Variants in ABCB5 observed in about 807,000 individuals in gnomAD.
The protein encoded by ABCB5 is ATP-binding cassette sub-family B member 5.
In ABCB5, 155 loss-of-function variants were observed where a neutral mutation model predicts 144.2. The observed-to-expected ratio is 1.08, with a 90% confidence interval of 0.94 to 1.23. ABCB5 has a LOEUF of 1.23. Among genes scored for constraint, ABCB5 ranks in the 50% most tolerant of loss-of-function variants. The pLI, the probability that ABCB5 is intolerant of heterozygous loss-of-function variation, is 0.00. For missense variants in ABCB5, 1,830 were observed against 1,520.8 expected (o/e 1.20, Z -3.38); for synonymous variants, 610 against 528.6 (o/e 1.15, Z -2.11).
chr7:20,687,955 G>A (rs1583426421), intron 16 of ABCB5, among the ~76,000 whole-genome samples: 1 of 152,242 alleles, frequency 6.6e-6, no homozygotes, highest in Admixed American at 6.5e-5. Context: ...ACTTTGGGAG[G>A]CTGAGGTGGG....
intron 1 of ABCB5, among the ~76,000 whole-genome samples, chr7:20,622,186 T>C (rs574744636): frequency 2.0e-5 from 3 of 152,252 alleles, no homozygotes; most frequent in African/African-American, 7.2e-5. Flanking sequence ...CTTAATTGTT[T>C]TGATTTCTTT....
chr7:20,681,516 T>C lies in ABCB5; in HGVS notation c.1719T>C (p.Gly573=). The change falls in exon 15 of 28, where the codon GGT becomes GGC. Residue 573 remains glycine (G), a synonymous_variant. Transcript: ENST00000404938. ...VQAALEKASK[G]RTTIVVAHRL... is the part of the protein sequence containing the mutation. ...ATTTTATTCTGTAGGCGAGCAAAGGTCGGACTACAATCGTGGTAGCACACC... is the reference window on the plus strand; with the variant it reads ...ATTTTATTCTGTAGGCGAGCAAAGGCCGGACTACAATCGTGGTAGCACACC... 6.2e-7 allele frequency: 1 copy of C among 1,614,158 alleles called. No individual in the cohort carries two copies. Among genetic ancestry groups the C allele is most frequent in the Non-Finnish European group, 8.5e-7 (1 of 1,180,000 alleles).
At chr7:20,745,870 C>T (rs921678446) in intron 26 of ABCB5, among the ~76,000 whole-genome samples, 5 of 152,194 alleles carry the variant, frequency 3.3e-5, no homozygotes, top group African/African-American at 9.7e-5. Context: ...CTCCCCTGTG[C>T]GCTTAGAATA....
rs1394748092 is a variant in ABCB5, at chr7:20,623,121, TTGGAG to T, written c.-21-140_-21-136del. ...TGAACTGCCTAGCCAGAAACTTCAA[TTGGAG>T]TGGGGGGCTGGGCAGGGCGAAATTC... On this transcript the variant is annotated intron_variant, in intron 1 of 27. Transcript: ENST00000404938. 10 of 568,412 alleles carry T rather than the reference TTGGAG, an allele frequency of 1.8e-5. No individual in the cohort carries two copies. The African/African-American group carries it at 1.9e-4, about 11-fold the overall frequency. 35.2% of individuals were successfully genotyped at this position (568,412 alleles called of 1,614,324 possible).
intron 20 of ABCB5, among the ~76,000 whole-genome samples, chr7:20,717,880 A>ATTTTTTTTTTTTTTTT (rs1781730711): frequency 1.4e-5 from 1 of 73,522 alleles, no homozygotes; most frequent in African/African-American, 5.6e-5. Flanking sequence ...TTCTTGTAAC[A>ATTTTTTTTTTTTTTTT]TTCTTTTTTT....
At chr7:20,688,728 A>C (rs527841406) in intron 16 of ABCB5, among the ~76,000 whole-genome samples, 1 of 152,238 alleles carries the variant, frequency 6.6e-6, no homozygotes, top group Non-Finnish European at 1.5e-5. Context: ...CCAAATGCCC[A>C]TCAATGATAG....
intron 7 of ABCB5, among the ~76,000 whole-genome samples, chr7:20,645,008 A>G (rs1784371356): frequency 6.6e-6 from 1 of 152,228 alleles, no homozygotes; most frequent in African/African-American, 2.4e-5. Context: ...AGAGAAGTAA[A>G]TGAGGAGTTG....
chr7:20,617,678 A>T (rs1177995195), intron 1 of ABCB5, among the ~76,000 whole-genome samples: 1 of 152,224 alleles, frequency 6.6e-6, no homozygotes, highest in African/African-American at 2.4e-5. Flanking sequence ...CATTTTTATA[A>T]TGGATTAAAA....
chr7:20,745,449 T>G lies in ABCB5; in HGVS notation c.3429+11T>G, dbSNP rs980189674. ...GAAGGTCTCCCTGAGGTAAGAAAAT[T>G]TCTGAAATCTTGAATTATAAAGCTG... On this transcript the variant is annotated intron_variant, in intron 26 of 27. Transcript: ENST00000404938. 1 of 1,613,572 alleles carries G rather than the reference T, an allele frequency of 6.2e-7. No homozygotes were observed. The highest frequency in any genetic ancestry group is 8.5e-7 in the Non-Finnish European group (1 of 1,179,780).
chr7:20,659,977 C>T, intron 14 of ABCB5: 1 of 985,532 alleles, frequency 1.0e-6, no homozygotes, highest in Non-Finnish European at 1.2e-6. Flanking sequence ...CGTCTCCGCG[C>T]CCGGCCAGTT....
chr7:20,631,686 T>C (rs1784041667), intron 4 of ABCB5, among the ~76,000 whole-genome samples: 1 of 152,162 alleles, frequency 6.6e-6, no homozygotes, highest in African/African-American at 2.4e-5. Flanking sequence ...TTTGGACTTC[T>C]GAAATCATTC....
chr7:20,756,974 T>G lies in ABCB5; in HGVS notation c.*1350T>G. The G allele has an allele frequency of 6.6e-6, 1 of 152,372 alleles. No homozygotes were observed. The highest frequency in any genetic ancestry group is 1.5e-5 in the Non-Finnish European group (1 of 68,034). The allele number at this position is 152,372 out of a possible 1,614,324, so 9.4% of individuals were successfully genotyped here. Reference sequence around the variant, plus strand: ...CATTTATATATTATGCTGCTTTCTTTAAAATGCAAAATAAAAATAAGATTG... The same window carrying G: ...CATTTATATATTATGCTGCTTTCTTGAAAATGCAAAATAAAAATAAGATTG... On this transcript the variant is annotated 3_prime_UTR_variant, in exon 28 of 28. Transcript: ENST00000404938.
chr7:20,715,673 G>T (rs564218733), intron 20 of ABCB5, among the ~76,000 whole-genome samples: 2 of 151,846 alleles, frequency 1.3e-5, no homozygotes, highest in East Asian at 3.9e-4. Flanking sequence ...GCCTCCCAAA[G>T]TGCTGGGATT....
At chr7:20,637,280 C>T (rs1784179509) in intron 5 of ABCB5, among the ~76,000 whole-genome samples, 1 of 152,100 alleles carries the variant, frequency 6.6e-6, no homozygotes, top group African/African-American at 2.4e-5. Context: ...GTCTATGCCC[C>T]TGTCTAATTT....
chr7:20,629,688 G>C (rs1175779635), intron 4 of ABCB5, among the ~76,000 whole-genome samples: 1 of 152,030 alleles, frequency 6.6e-6, no homozygotes, highest in Non-Finnish European at 1.5e-5. Flanking sequence ...TTTGAACCCA[G>C]GAGGCAGAGG....
chr7:20,720,727 C>T (rs1167545971), intron 20 of ABCB5, among the ~76,000 whole-genome samples: 1 of 151,860 alleles, frequency 6.6e-6, no homozygotes, highest in Non-Finnish European at 1.5e-5. Flanking sequence ...GGGCGGATCA[C>T]GAGGTCAGGA....
In ABCB5 at chr7:20,743,076, T is replaced by C. The variant is rs769603348; in HGVS notation, c.3222+2T>C. On this transcript the variant is annotated splice_donor_variant, in intron 25 of 27. Transcript: ENST00000404938. LOFTEE classifies it high-confidence loss of function. The stretch of plus-strand genomic sequence containing the variant: ...TATGACCCCGTGCAAGGACAAGTGG[T>C]AAGACAGAACTGAAACACACCTAAT... 6.2e-6 allele frequency: 10 copies of C among 1,613,566 alleles called. No individual in the cohort carries two copies. Among genetic ancestry groups the C allele is most frequent in the East Asian group, 2.2e-5 (1 of 44,880 alleles).
intron 3 of ABCB5, 45 bp from the exon 4 acceptor site, chr7:20,628,643 T>A: frequency 1.9e-6 from 3 of 1,584,542 alleles, no homozygotes; most frequent in Non-Finnish European, 2.6e-6. Context: ...TTGGTGTGTT[T>A]GTTTGTTTTA....
rs770338019 is a variant in ABCB5 at position 20,658,676 on chromosome 7, G to T, written c.1707G>T (p.Lys569Asn). ...CAGCTGTTCAAGCTGCACTGGAGAAGGTAAGTGAGCAGAAACGTTTCTTAT... is the reference window on the plus strand; with the variant it reads ...CAGCTGTTCAAGCTGCACTGGAGAATGTAAGTGAGCAGAAACGTTTCTTAT... ...SKSAVQAALE[K>N]ASKGRTTIVV... Residue 569 changes from lysine (K) to asparagine (N), a missense_variant and splice_region_variant, in exon 14 of 28, where the codon AAG (lysine) becomes AAT (asparagine). Transcript: ENST00000404938. 1.2e-6 allele frequency: 2 copies of T among 1,613,290 alleles called. No homozygotes were observed. Among genetic ancestry groups the T allele is most frequent in the East Asian group, 4.5e-5 (2 of 44,880 alleles).
Sources: gnomAD v4.1 joint callset for allele counts (sites outside exome capture counted in the v4.1 genomes callset) on GRCh38, gnomAD v4.1.1 for gene constraint, MANE v1.5 for transcripts, NCBI Gene and HGNC (gene_info 2026-07-23, HGNC 2026-07-21) for gene names.